TNR: variants seen among roughly 807,000 people sequenced by gnomAD.
TNR encodes tenascin R.
A neutral mutation model predicts 150.4 loss-of-function variants in TNR; 45 were observed. The ratio of observed to expected loss-of-function variants is 0.30; its 90% CI spans 0.24 to 0.38. The LOEUF (loss-of-function observed/expected upper bound fraction) is 0.38. TNR is among the 10% of genes least tolerant of loss of function. The pLI, the probability that TNR is intolerant of heterozygous loss-of-function variation, is 1.00. For synonymous variants in TNR, 687 were observed against 678.4 expected, an observed-to-expected ratio of 1.01 and a Z score of -0.20; for missense variants, 1,544 against 1,759.1, an observed-to-expected ratio of 0.88 and a Z score of 2.19.
chr1:175,396,726 G>T lies in TNR; in HGVS notation c.1058C>A (p.Thr353Lys). 1 of 1,614,166 alleles carries T rather than the reference G, an allele frequency of 6.2e-7. No homozygotes were observed. The highest frequency in any genetic ancestry group is 2.2e-5 in the East Asian group (1 of 44,890). The change falls in exon 5 of 23, where the codon ACG (threonine) becomes AAG (lysine). Residue 353 changes from threonine to lysine, a missense_variant. Thr to Lys is a moderately conservative substitution (Grantham distance 78). Around this residue, in one of 2 missense-constraint regions of TNR, gnomAD observed 1,254 missense variants for 1,329.4 expected, o/e 0.94. Transcript: ENST00000367674. ...CGGCTGGTAAGAGATCACATATTCCGTCACTGCCATCGGCCCGTCCCATTC... is the reference window on the plus strand; with the variant it reads ...CGGCTGGTAAGAGATCACATATTCCTTCACTGCCATCGGCCCGTCCCATTC... The part of the protein sequence containing the change: ...ELEWDGPMAV[T>K]EYVISYQPTA...
chr1:175,468,707 C>T (rs1312286136), intron 2 of TNR, among the ~76,000 whole-genome samples: 4 of 152,160 alleles, frequency 2.6e-5, no homozygotes, highest in Admixed American at 2.0e-4. Context: ...CCATCAAAGA[C>T]GTGATGGTGA....
intron 1 of TNR, among the ~76,000 whole-genome samples, chr1:175,692,795 A>C (rs1313450076): frequency 6.6e-6 from 1 of 152,176 alleles, no homozygotes; most frequent in Non-Finnish European, 1.5e-5. Context: ...GTGTGCAGAC[A>C]AACAGAGACA....
At chr1:175,736,965 G>A (rs888885345) in intron 1 of TNR, among the ~76,000 whole-genome samples, 6 of 152,280 alleles carry the variant, frequency 3.9e-5, no homozygotes, top group Admixed American at 2.0e-4. Context: ...AGTCTATGGT[G>A]AGCCATGATC....
intron 1 of TNR, among the ~76,000 whole-genome samples, chr1:175,684,016 T>C (rs1437291284): frequency 6.6e-6 from 1 of 152,090 alleles, no homozygotes; most frequent in Non-Finnish European, 1.5e-5. Flanking sequence ...CAAAGTGGGA[T>C]TCAGGAACCC....
At chr1:175,496,601 C>T (rs938090262) in intron 2 of TNR, among the ~76,000 whole-genome samples, 10 of 152,052 alleles carry the variant, frequency 6.6e-5, no homozygotes, top group Admixed American at 5.9e-4. Context: ...AGGCACTGGC[C>T]AAGGCATATC....
In TNR at chr1:175,702,172, TG is replaced by T. The variant is rs1666716235; in HGVS notation, c.-165+41053del. 5.9e-5 allele frequency among the ~76,000 whole-genome samples: 9 copies of T among 152,340 alleles called. No individual in the cohort carries two copies. In the South Asian group the frequency reaches 1.9e-3, roughly 32 times the overall value. ...CATTCTGTGGTTATTGTATCTTCCATGTGTGCTAAATGACCACACACTGGGA... is the reference window on the plus strand; with the variant it reads ...CATTCTGTGGTTATTGTATCTTCCATTGTGCTAAATGACCACACACTGGGA... On this transcript the variant is annotated intron_variant, in intron 1 of 22. Coordinates refer to ENST00000367674, the MANE Select transcript of TNR (RefSeq NM_003285.3).
chr1:175,359,590 C>G, intron 15 of TNR, 22 bp downstream of exon 15: 1 of 1,612,934 alleles, frequency 6.2e-7, no homozygotes. Flanking sequence ...CCTGCCTGAT[C>G]TGCAGGCCTG....
chr1:175,546,599 A>G (rs1449406189), intron 1 of TNR, among the ~76,000 whole-genome samples: 1 of 152,154 alleles, frequency 6.6e-6, no homozygotes, highest in Non-Finnish European at 1.5e-5. Flanking sequence ...TCACATAACC[A>G]AGTACCCAAG....
intron 1 of TNR, among the ~76,000 whole-genome samples, chr1:175,739,477 A>G (rs1667863799): frequency 6.6e-6 from 1 of 151,978 alleles, no homozygotes; most frequent in Admixed American, 6.5e-5. Context: ...GTGTGTGCTG[A>G]TACCACACAT....
At chr1:175,446,879 G>GTATGCA (rs1445342953) in intron 2 of TNR, among the ~76,000 whole-genome samples, 1 of 152,066 alleles carries the variant, frequency 6.6e-6, no homozygotes, top group Non-Finnish European at 1.5e-5. Flanking sequence ...CTGTACATGT[G>GTATGCA]TATGCATATG....
At chr1:175,639,653 C>T (rs1664592749) in intron 1 of TNR, among the ~76,000 whole-genome samples, 1 of 152,156 alleles carries the variant, frequency 6.6e-6, no homozygotes, top group South Asian at 2.1e-4. Context: ...AGGTAAAAGA[C>T]AAGGACCTCA....
In TNR at chr1:175,315,227, A is replaced by G. The variant is rs908831784; in HGVS notation, c.*8130T>C. On this transcript the variant is annotated 3_prime_UTR_variant, in exon 23 of 23. Transcript: ENST00000367674. Reference sequence around the variant, plus strand: ...AGGATCTTTTATTAACGTATAGAAAATGTGTTTAAAAAAGGAACTATACAG... The same window carrying G: ...AGGATCTTTTATTAACGTATAGAAAGTGTGTTTAAAAAAGGAACTATACAG... The G allele has an allele frequency of 6.6e-6, 1 of 152,152 alleles. No individual in the cohort carries two copies. The highest frequency in any genetic ancestry group is 2.4e-5 in the African/African-American group (1 of 41,432). The allele number at this position is 152,152 out of a possible 1,614,324, so 9.4% of individuals were successfully genotyped here.
chr1:175,652,196 T>G (rs547671321), intron 1 of TNR, among the ~76,000 whole-genome samples: 187 of 148,278 alleles, frequency 1.3e-3, no homozygotes, highest in African/African-American at 4.4e-3. Flanking sequence ...TATTATCATA[T>G]TATATTATTC....
chr1:175,650,307 CG>C, intron 1 of TNR, among the ~76,000 whole-genome samples: 1 of 152,038 alleles, frequency 6.6e-6, no homozygotes, highest in Middle Eastern at 3.4e-3. Context: ...CTCTTGAACC[CG>C]GGAGGCGGAG....
At chr1:175,422,440 A>G (rs987223407) in intron 2 of TNR, among the ~76,000 whole-genome samples, 8 of 152,124 alleles carry the variant, frequency 5.3e-5, no homozygotes, top group African/African-American at 1.9e-4. Flanking sequence ...TGTCCTGCAT[A>G]TTTCCACAAA....
chr1:175,424,651 G>A (rs1654891569), intron 2 of TNR, among the ~76,000 whole-genome samples: 2 of 152,200 alleles, frequency 1.3e-5, no homozygotes, highest in Admixed American at 6.5e-5. Context: ...TGGACCTGAA[G>A]GTTGGGGGAA....
At chr1:175,716,734 G>A (rs1195006424) in intron 1 of TNR, among the ~76,000 whole-genome samples, 1 of 152,200 alleles carries the variant, frequency 6.6e-6, no homozygotes, top group East Asian at 1.9e-4. Context: ...AGCTGGACAT[G>A]AGGCCCAGGA....
At chr1:175,461,754 T>C (rs1656828160) in intron 2 of TNR, among the ~76,000 whole-genome samples, 4 of 148,674 alleles carry the variant, frequency 2.7e-5, no homozygotes, top group Non-Finnish European at 5.9e-5. Flanking sequence ...GAATTCTTAA[T>C]AGTTTCCTTC....
At chr1:175,360,623 C>T (rs936288374) in intron 14 of TNR, among the ~76,000 whole-genome samples, 1 of 152,228 alleles carries the variant, frequency 6.6e-6, no homozygotes, top group Non-Finnish European at 1.5e-5. Context: ...GAACCAAGAT[C>T]TGCTGTGGAT....
Sources: gnomAD v4.1 joint callset for allele counts (sites outside exome capture counted in the v4.1 genomes callset) on GRCh38, gnomAD v4.1.1 for gene constraint, gnomAD v4.1.1 regional missense constraint, MANE v1.5 for transcripts, NCBI Gene and HGNC (gene_info 2026-07-23, HGNC 2026-07-21) for gene names.